The following SLC35F2 variants were observed in gnomAD, a reference collection of about 807,000 sequenced individuals.
The protein encoded by SLC35F2 is solute carrier family 35 member F2, also known as queuine/queuosine transporter SLC35F2.
Under a neutral mutation model 38.1 loss-of-function variants are expected in SLC35F2, and 25 were observed. That is an observed-to-expected ratio of 0.66 (90% CI 0.48 to 0.92). SLC35F2 has a LOEUF of 0.92. Ranked by LOEUF, SLC35F2 falls within the 40% of genes least tolerant of loss-of-function variation. The pLI, the probability that SLC35F2 is intolerant of heterozygous loss-of-function variation, is 0.00. For synonymous variants in SLC35F2, 173 were observed against 181.7 expected (o/e 0.95, Z 0.38); for missense variants, 409 against 452.9 (o/e 0.90, Z 0.88).
At chr11:107,854,448 A>C (rs1216114888) in intron 1 of SLC35F2, among the ~76,000 whole-genome samples, 1 of 152,008 alleles carries the variant, frequency 6.6e-6, no homozygotes, top group Non-Finnish European at 1.5e-5. Flanking sequence ...TGATGATAAT[A>C]ATAATAATAA....
intron 3 of SLC35F2, chr11:107,811,284 T>TTTGGGGG: frequency 1.0e-6 from 1 of 981,936 alleles, no homozygotes; most frequent in Non-Finnish European, 1.2e-6. Context: ...GGTTTCTTTG[T>TTTGGGGG]CATGAATATC....
At chr11:107,843,865 AAAAATATATAT>A (rs1367671446) in intron 1 of SLC35F2, among the ~76,000 whole-genome samples, 113 of 35,198 alleles carry the variant, frequency 3.2e-3, no homozygotes, top group African/African-American at 5.9e-3. Context: ...AAAAAAAAAA[AAAAATATATAT>A]ATATATATAT....
intron 3 of SLC35F2, among the ~76,000 whole-genome samples, chr11:107,807,477 A>G (rs1178819478): frequency 1.3e-5 from 2 of 151,948 alleles, no homozygotes; most frequent in African/African-American, 4.8e-5. Context: ...ATAAAATACA[A>G]TGGAAGAGTC....
chr11:107,843,907 A>G (rs1565440803), intron 1 of SLC35F2, among the ~76,000 whole-genome samples: 2 of 128,220 alleles, frequency 1.6e-5, no homozygotes, highest in East Asian at 2.2e-4. Flanking sequence ...ATATATATAT[A>G]TGTATATTAA....
intron 1 of SLC35F2, among the ~76,000 whole-genome samples, chr11:107,836,107 T>G (rs1021227985): frequency 6.6e-6 from 1 of 152,218 alleles, no homozygotes; most frequent in East Asian, 1.9e-4. Context: ...TGGTATAACC[T>G]AAACAGTCAG....
chr11:107,845,220 C>G (rs1028399065), intron 1 of SLC35F2, among the ~76,000 whole-genome samples: 2 of 152,178 alleles, frequency 1.3e-5, no homozygotes, highest in Non-Finnish European at 2.9e-5. Flanking sequence ...CAGCACAACA[C>G]CATCCTCCTT....
chr11:107,834,369 G>C (rs1351765227), intron 1 of SLC35F2, among the ~76,000 whole-genome samples: 1 of 152,116 alleles, frequency 6.6e-6, no homozygotes, highest in Non-Finnish European at 1.5e-5. Context: ...TGAATGAAGC[G>C]GCTGGGCGCG....
Position 107,838,419 on chromosome 11 carries a change from G to T in SLC35F2, c.110+20239C>A, listed in dbSNP as rs556759124. Among the ~76,000 whole-genome samples, 5 of 152,226 alleles carry T rather than the reference G, an allele frequency of 3.3e-5. No homozygotes were observed. In the South Asian group the frequency reaches 1.0e-3, roughly 32 times the overall value. On this transcript the variant is annotated intron_variant, in intron 1 of 7. Transcript: ENST00000525815. The stretch of plus-strand genomic sequence containing the variant: ...GGCTCACTGCAACCTCCACCTCCTG[G>T]GTTCAAGCGATTCTCCTGACTCAGC...
chr11:107,845,387 G>A lies in SLC35F2; in HGVS notation c.110+13271C>T, dbSNP rs374350096. 1.5e-4 allele frequency among the ~76,000 whole-genome samples: 23 copies of A among 152,090 alleles called. 1 individual carries two copies. Among genetic ancestry groups the A allele is most frequent in the East Asian group, 7.7e-4 (4 of 5,166 alleles). On this transcript the variant is annotated intron_variant, in intron 1 of 7. Transcript: ENST00000525815. Reference sequence around the variant, plus strand: ...GAGCCCAGGAGTTCAAGACCAGCCCGGGCAACATGGCAAAACCCAGCTACT... The same window carrying A: ...GAGCCCAGGAGTTCAAGACCAGCCCAGGCAACATGGCAAAACCCAGCTACT...
intron 1 of SLC35F2, among the ~76,000 whole-genome samples, chr11:107,843,525 G>A (rs1316025320): frequency 6.7e-6 from 1 of 149,700 alleles, no homozygotes; most frequent in Non-Finnish European, 1.5e-5. Context: ...ACTCCAGCCT[G>A]GGCAACAAAA....
At chr11:107,812,710 C>T (rs1326361066) in intron 2 of SLC35F2, among the ~76,000 whole-genome samples, 1 of 152,104 alleles carries the variant, frequency 6.6e-6, no homozygotes, top group African/African-American at 2.4e-5. Context: ...TTTAAAATCC[C>T]TTTCCTATCA....
At chr11:107,850,046 G>C (rs148034769) in intron 1 of SLC35F2, among the ~76,000 whole-genome samples, 15 of 152,210 alleles carry the variant, frequency 9.9e-5, no homozygotes, top group Non-Finnish European at 1.9e-4. Flanking sequence ...GTAACCTAGA[G>C]AGACTGCCTC....
rs1322273153 is a variant in SLC35F2, at chr11:107,843,865, AAAAATATATATAT to A, written c.110+14780_110+14792del. ...GTATCTTAAAAAAAAAAAAAAAAAA[AAAAATATATATAT>A]ATATATATATATATATATATATATA... is the stretch of plus-strand genomic sequence containing the variant. On this transcript the variant is annotated intron_variant, in intron 1 of 7. Transcript: ENST00000525815. Among the ~76,000 whole-genome samples, 230 of 35,012 alleles carry A rather than the reference AAAAATATATATAT, an allele frequency of 6.6e-3. 1 individual carries two copies. The highest frequency in any genetic ancestry group is 0.018 in the African/African-American group (149 of 8,244). 23.0% of individuals were successfully genotyped at this position (35,012 alleles called of 152,430 possible).
At chr11:107,801,441 A>AT (rs886763127) in intron 7 of SLC35F2, among the ~76,000 whole-genome samples, 12 of 152,144 alleles carry the variant, frequency 7.9e-5, no homozygotes, top group African/African-American at 2.2e-4. Context: ...TGAAAAATAC[A>AT]TTTTTTCATA....
intron 7 of SLC35F2, among the ~76,000 whole-genome samples, chr11:107,798,847 A>G (rs1859261892): frequency 6.6e-6 from 1 of 152,206 alleles, no homozygotes; most frequent in Non-Finnish European, 1.5e-5. Context: ...AGGCAGAGGC[A>G]AGCGGATCAC....
chr11:107,844,947 G>A (rs556102504), intron 1 of SLC35F2, among the ~76,000 whole-genome samples: 1 of 146,304 alleles, frequency 6.8e-6, no homozygotes, highest in Non-Finnish European at 1.5e-5. Flanking sequence ...CGGCACTCCA[G>A]CCTGGGCAAC....
At chr11:107,799,210 T>C (rs7108401) in intron 7 of SLC35F2, among the ~76,000 whole-genome samples, 22,885 of 152,148 alleles carry the variant, frequency 0.15, 2,779 homozygotes, top group East Asian at 0.42. Flanking sequence ...TGACCAAAAA[T>C]AGTAAAAATC....
chr11:107,847,511 A>G (rs1057315189), intron 1 of SLC35F2, among the ~76,000 whole-genome samples: 1 of 152,182 alleles, frequency 6.6e-6, no homozygotes, highest in African/African-American at 2.4e-5. Context: ...CATACATATC[A>G]TGGGAGGAAT....
Position 107,843,846 on chromosome 11 carries a change from TAAAAAAAA to T in SLC35F2, c.110+14804_110+14811del, listed in dbSNP as rs780744909. On this transcript the variant is annotated intron_variant, in intron 1 of 7. Coordinates refer to ENST00000525815, the MANE Select transcript of SLC35F2 (RefSeq NM_017515.5). ...GGTGACAAAGTGAGACTCTGTATCT[TAAAAAAAA>T]AAAAAAAAAAAAAAATATATATATA... Among the ~76,000 whole-genome samples, 393 of 45,060 alleles carry T rather than the reference TAAAAAAAA, an allele frequency of 8.7e-3. 8 individuals are homozygous for T. The highest frequency in any genetic ancestry group is 0.044 in the African/African-American group (378 of 8,586). The allele number at this position is 45,060 out of a possible 152,430, so 29.6% of individuals were successfully genotyped here. A position where few individuals can be genotyped will look rare whatever the true frequency, so the allele number is the denominator to read the frequency against.
Sources: allele counts gnomAD v4.1 joint callset (sites outside exome capture counted in the v4.1 genomes callset), GRCh38; gene constraint gnomAD v4.1.1; transcripts MANE v1.5; gene names NCBI Gene and HGNC (gene_info 2026-07-23, HGNC 2026-07-21).